Variants in HEMK2 observed in about 807,000 individuals in gnomAD.
HEMK2 encodes the protein HemK methyltransferase 2, ETF1 glutamine and histone H4 lysine.
the HEMK2 span, among the ~76,000 whole-genome samples, chr21:28,589,959 T>C: frequency 6.6e-6 from 1 of 152,256 alleles, no homozygotes; most frequent in Admixed American, 6.5e-5. Flanking sequence ...TCTCCCAGCT[T>C]CCTTCAGCTG....
At chr21:28,629,504 C>A in the HEMK2 span, among the ~76,000 whole-genome samples, 1 of 152,294 alleles carries the variant, frequency 6.6e-6, no homozygotes, top group Admixed American at 6.5e-5. Flanking sequence ...TAAACAAATG[C>A]TCATGTAGAC....
At chr21:28,725,505 G>T in the HEMK2 span, among the ~76,000 whole-genome samples, 2 of 152,296 alleles carry the variant, frequency 1.3e-5, no homozygotes, top group Middle Eastern at 3.4e-3. Flanking sequence ...GGAACTTGAT[G>T]AAATCTCAGG....
At chr21:28,793,924 G>A in the HEMK2 span, among the ~76,000 whole-genome samples, 1 of 152,176 alleles carries the variant, frequency 6.6e-6, no homozygotes, top group Non-Finnish European at 1.5e-5. Flanking sequence ...ATCTCCACTC[G>A]AGCCTTCGGA....
At chr21:28,623,498 G>A in the HEMK2 span, among the ~76,000 whole-genome samples, 1 of 152,172 alleles carries the variant, frequency 6.6e-6, no homozygotes, top group Non-Finnish European at 1.5e-5. Context: ...ATACCCAAAG[G>A]ATTGCAAACC....
chr21:28,793,846 G>A, the HEMK2 span, among the ~76,000 whole-genome samples: 1 of 152,156 alleles, frequency 6.6e-6, no homozygotes, highest in African/African-American at 2.4e-5. Flanking sequence ...CAACAGCAGA[G>A]ATTGGAATTA....
At chr21:28,833,421 G>T in the HEMK2 span, among the ~76,000 whole-genome samples, 1 of 152,168 alleles carries the variant, frequency 6.6e-6, no homozygotes, top group Non-Finnish European at 1.5e-5. Flanking sequence ...GACATAAACA[G>T]ATGGATGTGA....
the HEMK2 span, among the ~76,000 whole-genome samples, chr21:28,704,358 C>T: frequency 2.6e-5 from 4 of 152,050 alleles, no homozygotes; most frequent in Non-Finnish European, 5.9e-5. Context: ...TTCCTAAGTG[C>T]CCTGAGACTT....
At chr21:28,626,379 T>C in the HEMK2 span, among the ~76,000 whole-genome samples, 544 of 152,150 alleles carry the variant, frequency 3.6e-3, 4 homozygotes, top group African/African-American at 0.012. Context: ...AAGAAGTCAA[T>C]AGAGCAAATA....
the HEMK2 span, among the ~76,000 whole-genome samples, chr21:28,628,264 A>T: frequency 2.0e-5 from 3 of 152,132 alleles, no homozygotes; most frequent in Non-Finnish European, 4.4e-5. Context: ...TGCTAACTTA[A>T]TAGTATTGAT....
At chr21:28,757,524 C>T in the HEMK2 span, among the ~76,000 whole-genome samples, 30 of 152,268 alleles carry the variant, frequency 2.0e-4, no homozygotes, top group South Asian at 6.2e-3. Flanking sequence ...AACAAAGGAA[C>T]TCCCCTGCCC....
the HEMK2 span, among the ~76,000 whole-genome samples, chr21:28,674,381 T>A: frequency 6.6e-6 from 1 of 152,200 alleles, no homozygotes; most frequent in Non-Finnish European, 1.5e-5. Flanking sequence ...TATAGACTTG[T>A]CCTGAATTCT....
chr21:28,753,131 T>C, the HEMK2 span, among the ~76,000 whole-genome samples: 55,441 of 151,904 alleles, frequency 0.36, 11,831 homozygotes, highest in African/African-American at 0.59. Flanking sequence ...CCAAGATGGG[T>C]GAAGCACTTA....
At chr21:28,841,453 A>G in the HEMK2 span, among the ~76,000 whole-genome samples, 1 of 100,664 alleles carries the variant, frequency 9.9e-6, no homozygotes, top group Non-Finnish European at 1.9e-5. Flanking sequence ...ATAAAATATT[A>G]TATATAATAT....
chr21:28,678,335 G>A, the HEMK2 span, among the ~76,000 whole-genome samples: 1 of 152,142 alleles, frequency 6.6e-6, no homozygotes, highest in African/African-American at 2.4e-5. Flanking sequence ...GAGAAGAGAA[G>A]TTTAGAGAAA....
the HEMK2 span, among the ~76,000 whole-genome samples, chr21:28,628,317 C>G: frequency 6.6e-6 from 1 of 151,930 alleles, no homozygotes; most frequent in African/African-American, 2.4e-5. Context: ...TTTATAAAGA[C>G]TGGATATGGT....
At chr21:28,607,896 G>A in the HEMK2 span, among the ~76,000 whole-genome samples, 1 of 152,164 alleles carries the variant, frequency 6.6e-6, no homozygotes. Context: ...TGCAAGAGGG[G>A]CTGATACAAA....
the HEMK2 span, among the ~76,000 whole-genome samples, chr21:28,660,478 G>C: frequency 6.6e-6 from 1 of 151,020 alleles, no homozygotes; most frequent in African/African-American, 2.4e-5. Flanking sequence ...TCTATACTAA[G>C]AATTTTTAAT....
At chr21:28,732,513 C>T in the HEMK2 span, among the ~76,000 whole-genome samples, 8 of 152,196 alleles carry the variant, frequency 5.3e-5, no homozygotes, top group African/African-American at 1.9e-4. Flanking sequence ...AGGCAGAATA[C>T]TGTGGGTTGT....
At chr21:28,600,663 T>A in the HEMK2 span, among the ~76,000 whole-genome samples, 5,107 of 152,220 alleles carry the variant, frequency 0.034, 126 homozygotes, top group African/African-American at 0.063. Flanking sequence ...AGAAAATGGG[T>A]TTTTCTTTTC....
Sources: gnomAD v4.1 joint callset for allele counts (sites outside exome capture counted in the v4.1 genomes callset) on GRCh38, gnomAD v4.1.1 for gene constraint, MANE v1.5 for transcripts, NCBI Gene and HGNC (gene_info 2026-07-23, HGNC 2026-07-21) for gene names.